The following RASA3 variants were observed in gnomAD, a reference collection of about 807,000 sequenced individuals.
The protein encoded by RASA3 is RAS p21 protein activator 3, also known as ras GTPase-activating protein 3.
RASA3 carries 73 observed loss-of-function variants against 110.0 expected under a neutral mutation model. That is an observed-to-expected ratio of 0.66 (90% CI 0.55 to 0.81). The LOEUF (loss-of-function observed/expected upper bound fraction) is 0.81. Ranked by LOEUF, RASA3 falls within the 30% of genes least tolerant of loss-of-function variation. The pLI, the probability that RASA3 is intolerant of heterozygous loss-of-function variation, is 0.00. For missense variants in RASA3, 976 were observed against 1,113.2 expected, an observed-to-expected ratio of 0.88 and a Z score of 1.75; for synonymous variants, 500 against 451.4, an observed-to-expected ratio of 1.11 and a Z score of -1.37.
chr13:114,016,172 T>C, intron 13 of RASA3, 25 bp downstream of exon 13: 1 of 1,543,042 alleles, frequency 6.5e-7, no homozygotes, highest in African/African-American at 1.4e-5. Context: ...TGACTGGCTT[T>C]GGTTGGTTCA....
At chr13:114,058,374 G>C (rs2079281079) in intron 2 of RASA3, among the ~76,000 whole-genome samples, 1 of 152,242 alleles carries the variant, frequency 6.6e-6, no homozygotes, top group Non-Finnish European at 1.5e-5. Context: ...ACACCTGCCT[G>C]ACGACCTCTC....
intron 1 of RASA3, among the ~76,000 whole-genome samples, chr13:114,076,541 G>C (rs759803401): frequency 1.3e-5 from 2 of 151,798 alleles, no homozygotes; most frequent in African/African-American, 4.8e-5. Context: ...CACGCAGGCA[G>C]CACCGCACAC....
chr13:114,031,379 ATGTC>A (rs761589447), intron 4 of RASA3, among the ~76,000 whole-genome samples: 15 of 141,196 alleles, frequency 1.1e-4, no homozygotes, highest in Middle Eastern at 4.1e-3. Flanking sequence ...CTATGTGTGC[ATGTC>A]TGTCTGTGTG....
chr13:114,037,549 G>T (rs956915308), intron 4 of RASA3, among the ~76,000 whole-genome samples: 2 of 152,164 alleles, frequency 1.3e-5, no homozygotes, highest in African/African-American at 4.8e-5. Flanking sequence ...GGGGACGGAG[G>T]TTCCGTTTTG....
Position 113,979,405 on chromosome 13 carries a change from T to G in RASA3, c.2447A>C (p.Asp816Ala). The change falls in exon 24 of 24, where the codon GAC becomes GCC. Residue 816 changes from aspartate (D) to alanine (A), a missense_variant. Coordinates refer to ENST00000334062, the MANE Select transcript of RASA3 (RefSeq NM_007368.4). The part of the protein sequence containing the change: ...KYGSQEHPIG[D>A]KSFQNYIRQQ... ...CCGGATGTAGTTCTGGAAGCTCTTG[T>G]CTCCGATGGGGTGCTCCCTGAAAAG... 6.2e-7 allele frequency: 1 copy of G among 1,603,628 alleles called. No homozygotes were observed. Among genetic ancestry groups the G allele is most frequent in the Non-Finnish European group, 8.5e-7 (1 of 1,170,658 alleles).
rs556164978 is a variant in RASA3 at position 114,013,730 on chromosome 13, G to A, written c.1406-482C>T. Among the ~76,000 whole-genome samples, 7 of 34,420 alleles carry A rather than the reference G, an allele frequency of 2.0e-4. 1 individual carries two copies. In the South Asian group the frequency reaches 7.6e-3, roughly 37 times the overall value. 22.6% of individuals were successfully genotyped at this position (34,420 alleles called of 152,430 possible). ...TCTCTCCCCCTCTCTCTCTCCGTCC[G>A]TCTGTCTCTGGCTCTCTCTCTCTCT... On this transcript the variant is annotated intron_variant, in intron 14 of 23. Coordinates refer to ENST00000334062, the MANE Select transcript of RASA3 (RefSeq NM_007368.4).
chr13:113,999,561 G>T (rs1359461785), intron 20 of RASA3, 24 bp downstream of exon 20: 2 of 1,605,424 alleles, frequency 1.2e-6, no homozygotes, highest in Admixed American at 1.7e-5. Context: ...ACCCGAAAGA[G>T]AGGCTTGGGG....
At chr13:114,078,011 C>T (rs950834475) in intron 1 of RASA3, 2 of 824,396 alleles carry the variant, frequency 2.4e-6, no homozygotes, top group East Asian at 1.2e-4. Flanking sequence ...AAAAAAAACT[C>T]CTGAGAAACA....
At chr13:114,101,209 G>C (rs1343648987) in intron 1 of RASA3, among the ~76,000 whole-genome samples, 2 of 152,166 alleles carry the variant, frequency 1.3e-5, no homozygotes, top group Middle Eastern at 3.2e-3. Flanking sequence ...CCCAGAAAAA[G>C]GGACCAAAAT....
intron 1 of RASA3, 131 bp downstream of exon 1, chr13:114,132,304 C>T (rs1437173895): frequency 4.0e-6 from 4 of 1,002,908 alleles, no homozygotes; most frequent in Non-Finnish European, 4.0e-6. Context: ...AGCCGTTCTC[C>T]GGGGAGCGCG....
intron 21 of RASA3, among the ~76,000 whole-genome samples, chr13:113,994,475 GAAGA>G (rs2053189275): frequency 6.6e-6 from 1 of 152,188 alleles, no homozygotes; most frequent in Middle Eastern, 3.4e-3. Context: ...ATAAAAAAAA[GAAGA>G]AAGAAGATGA....
rs368520565 is a variant in RASA3 at position 114,018,907 on chromosome 13, C to T, written c.798G>A (p.Gln266=). 1 of 1,613,624 alleles carries T rather than the reference C, an allele frequency of 6.2e-7. No individual in the cohort carries two copies. The highest frequency in any genetic ancestry group is 8.5e-7 in the Non-Finnish European group (1 of 1,179,970). ...GGCTCTTGCTACCATTGTCCCGGGG[C>T]TGGAGGAAGTACCTGGGTGGGAGGG... ...SSSYEAWYFL[Q]PRDNGSKSLK... Residue 266 remains glutamine (Q), a synonymous_variant, in exon 10 of 24, where the codon CAG becomes CAA. Transcript: ENST00000334062.
intron 1 of RASA3, among the ~76,000 whole-genome samples, chr13:114,100,178 C>T (rs550163839): frequency 6.6e-6 from 1 of 151,456 alleles, no homozygotes; most frequent in Admixed American, 6.6e-5. Context: ...TGGAGGAGCT[C>T]GCAGGAGACG....
Position 114,061,330 on chromosome 13 carries a change from C to A in RASA3, c.174-9175G>T, listed in dbSNP as rs527449787. Among the ~76,000 whole-genome samples the A allele has an allele frequency of 9.9e-5, 15 of 152,202 alleles. 1 individual carries two copies. In the South Asian group the frequency reaches 2.7e-3, roughly 27 times the overall value. ...ATGTTTTTCCTCTTAGAACCGCAAACTACGGTTGCCTGAAAAGGTTTCTAA... is the reference window on the plus strand; with the variant it reads ...ATGTTTTTCCTCTTAGAACCGCAAAATACGGTTGCCTGAAAAGGTTTCTAA... On this transcript the variant is annotated intron_variant, in intron 2 of 23. Transcript: ENST00000334062.
intron 4 of RASA3, among the ~76,000 whole-genome samples, chr13:114,030,929 G>A (rs1452366883): frequency 2.0e-5 from 3 of 147,584 alleles, no homozygotes; most frequent in African/African-American, 7.9e-5. Context: ...GCATGCATGC[G>A]ACTATGTGTG....
intron 1 of RASA3, among the ~76,000 whole-genome samples, chr13:114,118,834 T>A (rs1162683433): frequency 2.6e-5 from 4 of 152,220 alleles, no homozygotes; most frequent in Admixed American, 2.6e-4. Context: ...AGCATTCTTG[T>A]GTTCATAAAA....
At position 114,001,249 on chromosome 13, in the gene RASA3, C is replaced by T. The variant is rs1216511960; in HGVS notation, c.1743-317G>A. On this transcript the variant is annotated intron_variant, in intron 18 of 23. Coordinates refer to ENST00000334062, the MANE Select transcript of RASA3 (RefSeq NM_007368.4). ...AAATGCCAATGCGATGCTCCCACGG[C>T]GGACCTGCGGCCGTGGGCTCAGGGT... 4.6e-5 allele frequency among the ~76,000 whole-genome samples: 7 copies of T among 152,186 alleles called. No individual in the cohort carries two copies. The South Asian group carries it at 1.0e-3, about 23-fold the overall frequency.
rs1430960634 is a variant in RASA3, at chr13:114,096,619, C to T, written c.56-22782G>A. On this transcript the variant is annotated intron_variant, in intron 1 of 23. Coordinates refer to ENST00000334062, the MANE Select transcript of RASA3 (RefSeq NM_007368.4). The surrounding 1 kb of genome is among the most constrained non-coding windows in gnomAD (Gnocchi z 5.1). Reference sequence around the variant, plus strand: ...ATGGGAACAACTGCTCCTTTCCAGCCAAATGACCCATTTCCCAAACGCCTT... The same window carrying T: ...ATGGGAACAACTGCTCCTTTCCAGCTAAATGACCCATTTCCCAAACGCCTT... Among the ~76,000 whole-genome samples the T allele has an allele frequency of 1.3e-5, 2 of 152,166 alleles. No individual in the cohort carries two copies. Among genetic ancestry groups the T allele is most frequent in the Non-Finnish European group, 2.9e-5 (2 of 68,022 alleles).
At chr13:113,993,275 A>G (rs2139100458) in intron 21 of RASA3, among the ~76,000 whole-genome samples, 1 of 152,202 alleles carries the variant, frequency 6.6e-6, no homozygotes, top group South Asian at 2.1e-4. Context: ...TTCTGGGTTT[A>G]AGCGATTCTC....
Sources: gnomAD v4.1 joint callset for allele counts (sites outside exome capture counted in the v4.1 genomes callset) on GRCh38, gnomAD v4.1.1 for gene constraint, Gnocchi (gnomAD v3.1) non-coding constraint, MANE v1.5 for transcripts, NCBI Gene and HGNC (gene_info 2026-07-23, HGNC 2026-07-21) for gene names.